Variants in GRK5 observed in about 807,000 individuals in gnomAD.
The protein encoded by GRK5 is G protein-coupled receptor kinase 5, also known as g protein-coupled receptor kinase GRK5.
Under a neutral mutation model 78.4 loss-of-function variants are expected in GRK5, and 40 were observed. That is an observed-to-expected ratio of 0.51 (90% CI 0.40 to 0.66). The LOEUF is 0.66. Among genes scored for constraint, GRK5 ranks in the 30% least tolerant of loss-of-function variants. The pLI is 0.00. For synonymous variants in GRK5, 289 were observed against 296.8 expected (o/e 0.97, Z 0.27); for missense variants, 598 against 759.9 (o/e 0.79, Z 2.50).
rs1481051970 is a variant in GRK5, at chr10:119,445,859, G to A, written c.1266+2107G>A. Among the ~76,000 whole-genome samples, 1 of 152,144 alleles carries A rather than the reference G, an allele frequency of 6.6e-6. No homozygotes were observed. Among genetic ancestry groups the A allele is most frequent in the African/African-American group, 2.4e-5 (1 of 41,428 alleles). On this transcript the variant is annotated intron_variant, in intron 12 of 15. Coordinates refer to ENST00000392870, the MANE Select transcript of GRK5 (RefSeq NM_005308.3). The surrounding 1 kb of genome is among the most constrained non-coding windows in gnomAD (Gnocchi z 4.1). ...GGGTCCCTCCACAATCAGTGAGGAA[G>A]CCAGTCTCTGGCCCCCAGGTCTGTC...
At chr10:119,230,606 C>T (rs1030397701) in intron 1 of GRK5, among the ~76,000 whole-genome samples, 1 of 151,912 alleles carries the variant, frequency 6.6e-6, no homozygotes, top group African/African-American at 2.4e-5. Context: ...GGGTCCCTCC[C>T]ACAACATGTG....
chr10:119,433,226 C>T (rs1329768071), intron 8 of GRK5, among the ~76,000 whole-genome samples: 16 of 152,294 alleles, frequency 1.1e-4, no homozygotes, highest in African/African-American at 3.6e-4. Flanking sequence ...GGAGATGAGG[C>T]AGATGAGGCT....
Position 119,207,887 on chromosome 10 carries a change from G to A in GRK5, c.-31G>A. 1 of 1,583,308 alleles carries A rather than the reference G, an allele frequency of 6.3e-7. No homozygotes were observed. Among genetic ancestry groups the A allele is most frequent in the East Asian group, 2.4e-5 (1 of 42,282 alleles). On this transcript the variant is annotated 5_prime_UTR_variant, in exon 1 of 16. Transcript: ENST00000392870. ...CACCCCAGGCGCTGACAGCCCCGCC[G>A]GCCGGCTCCGTTGCTGACCGCCGAC...
chr10:119,239,586 G>T (rs181366463), intron 1 of GRK5, among the ~76,000 whole-genome samples: 3 of 152,198 alleles, frequency 2.0e-5, no homozygotes, highest in East Asian at 1.9e-4. Context: ...GAACGTGCAG[G>T]TTTGTTACAT....
At chr10:119,243,013 C>T (rs1358516780) in intron 1 of GRK5, among the ~76,000 whole-genome samples, 16 of 152,222 alleles carry the variant, frequency 1.1e-4, no homozygotes, top group African/African-American at 3.9e-4. Flanking sequence ...GTGAGGTAGG[C>T]GGATCACCTA....
At chr10:119,298,456 CT>C (rs1850118869) in intron 1 of GRK5, among the ~76,000 whole-genome samples, 1 of 152,214 alleles carries the variant, frequency 6.6e-6, no homozygotes, top group Non-Finnish European at 1.5e-5. Context: ...GAATCCCTCA[CT>C]TCCAGTGCAC....
intron 6 of GRK5, among the ~76,000 whole-genome samples, chr10:119,427,472 A>G (rs902262821): frequency 1.4e-3 from 207 of 143,212 alleles, no homozygotes; most frequent in African/African-American, 4.5e-3. Flanking sequence ...CAGCATCACC[A>G]CCATCATCAG....
At chr10:119,340,585 C>T (rs974208791) in intron 2 of GRK5, among the ~76,000 whole-genome samples, 1 of 152,184 alleles carries the variant, frequency 6.6e-6, no homozygotes, top group Non-Finnish European at 1.5e-5. Context: ...GTAGTTTGTT[C>T]TGCTTCTAGG....
At chr10:119,404,573 C>T (rs1852202262) in intron 4 of GRK5, among the ~76,000 whole-genome samples, 1 of 152,186 alleles carries the variant, frequency 6.6e-6, no homozygotes, top group African/African-American at 2.4e-5. Flanking sequence ...TTCATTTTGT[C>T]TTACCTGTCC....
At chr10:119,362,625 G>A (rs1181068338) in intron 2 of GRK5, among the ~76,000 whole-genome samples, 1 of 152,192 alleles carries the variant, frequency 6.6e-6, no homozygotes, top group Non-Finnish European at 1.5e-5. Context: ...CTGCATTTCA[G>A]GTCACCACCT....
At chr10:119,371,699 G>A (rs1851550410) in intron 2 of GRK5, among the ~76,000 whole-genome samples, 1 of 152,232 alleles carries the variant, frequency 6.6e-6, no homozygotes, top group Admixed American at 6.5e-5. Context: ...CTGCTTTGGT[G>A]CTAATGGAGA....
rs1851370384 is a variant in GRK5, at chr10:119,361,937, G to A, written c.149-18878G>A. Among the ~76,000 whole-genome samples, 3 of 134,498 alleles carry A rather than the reference G, an allele frequency of 2.2e-5. No individual in the cohort carries two copies. The South Asian group carries it at 6.9e-4, about 31-fold the overall frequency. 88.2% of individuals were successfully genotyped at this position (134,498 alleles called of 152,430 possible). ...GGTCGCACCACTGCACTCCAGCCTG[G>A]GTGACAGAGCGAGACTCTATCTCAA... On this transcript the variant is annotated intron_variant, in intron 2 of 15. Coordinates refer to ENST00000392870, the MANE Select transcript of GRK5 (RefSeq NM_005308.3).
intron 3 of GRK5, among the ~76,000 whole-genome samples, chr10:119,382,149 G>T (rs1851720955): frequency 6.9e-6 from 1 of 145,856 alleles, no homozygotes; most frequent in South Asian, 2.2e-4. Context: ...TCATGTGCTT[G>T]GCTCCTTGAC....
At chr10:119,377,653 G>C (rs923525200) in intron 2 of GRK5, among the ~76,000 whole-genome samples, 1 of 152,130 alleles carries the variant, frequency 6.6e-6, no homozygotes, top group Non-Finnish European at 1.5e-5. Flanking sequence ...GGTGTTTACT[G>C]TGCTGGGAGT....
rs1021068372 is a variant in GRK5, at chr10:119,336,217, C to T, written c.148+9606C>T. ...CCTCCAGCTTCCTCTTCTTGGAAGC[C>T]TGCCCTGATTCCTGCAGTCCTCAGC... On this transcript the variant is annotated intron_variant, in intron 2 of 15. Transcript: ENST00000392870. The surrounding 1 kb of genome is among the most constrained non-coding windows in gnomAD (Gnocchi z 4.5). 3.3e-5 allele frequency: 5 copies of T among 152,304 alleles called. No homozygotes were observed. The highest frequency in any genetic ancestry group is 9.7e-5 in the African/African-American group (4 of 41,440). The allele number at this position is 152,304 out of a possible 1,614,324, so 9.4% of individuals were successfully genotyped here.
intron 1 of GRK5, among the ~76,000 whole-genome samples, chr10:119,258,735 C>T (rs1213471572): frequency 6.6e-6 from 1 of 152,122 alleles, no homozygotes; most frequent in Non-Finnish European, 1.5e-5. Flanking sequence ...GGGTCAATGC[C>T]AGGAAACTCC....
At position 119,431,250 on chromosome 10, in the gene GRK5, G is replaced by A. The variant is rs1852810073; in HGVS notation, c.598-137G>A. 1.0e-6 allele frequency: 1 copy of A among 954,208 alleles called. No homozygotes were observed. Among genetic ancestry groups the A allele is most frequent in the Admixed American group, 2.9e-5 (1 of 34,730 alleles). 59.1% of individuals were successfully genotyped at this position (954,208 alleles called of 1,614,324 possible). On this transcript the variant is annotated intron_variant, in intron 7 of 15. Coordinates refer to ENST00000392870, the MANE Select transcript of GRK5 (RefSeq NM_005308.3). The surrounding 1 kb of genome is among the most constrained non-coding windows in gnomAD (Gnocchi z 4.8). ...CATCACTGGGTCCTGGGAGCCTGGA[G>A]CACTCATGAAGCCAGGCAGGGCCGG...
rs1345690078 is a variant in GRK5, at chr10:119,394,331, T to TGG, written c.262-2363_262-2362insGG. The stretch of plus-strand genomic sequence containing the variant: ...GTGGGCACGTGGGTGTGTGTATCTG[T>TGG]GTGTCTGTGTGTGGGCATGTGGGTG... On this transcript the variant is annotated intron_variant, in intron 3 of 15. Coordinates refer to ENST00000392870, the MANE Select transcript of GRK5 (RefSeq NM_005308.3). 2.6e-3 allele frequency among the ~76,000 whole-genome samples: 227 copies of TGG among 88,618 alleles called. 34 individuals carry two copies. Among genetic ancestry groups the TGG allele is most frequent in the Middle Eastern group, 0.013 (2 of 154 alleles). The allele number at this position is 88,618 out of a possible 152,430, so 58.1% of individuals were successfully genotyped here. A position where few individuals can be genotyped will look rare whatever the true frequency, so the allele number is the denominator to read the frequency against.
chr10:119,224,023 C>T (rs935236383), intron 1 of GRK5, among the ~76,000 whole-genome samples: 7 of 152,078 alleles, frequency 4.6e-5, no homozygotes, highest in African/African-American at 1.4e-4. Flanking sequence ...AAGTCCGGCA[C>T]GGTGGCACTC....
Sources: gnomAD v4.1 joint callset for allele counts (sites outside exome capture counted in the v4.1 genomes callset) on GRCh38, gnomAD v4.1.1 for gene constraint, Gnocchi (gnomAD v3.1) non-coding constraint, MANE v1.5 for transcripts, NCBI Gene and HGNC (gene_info 2026-07-23, HGNC 2026-07-21) for gene names.